The following RCC2 variants were observed in gnomAD, a reference collection of about 807,000 sequenced individuals.
RCC2 encodes regulator of chromosome condensation 2.
A neutral mutation model predicts 64.1 loss-of-function variants in RCC2; 19 were observed. That is an observed-to-expected ratio of 0.30 (90% CI 0.21 to 0.44). The LOEUF (loss-of-function observed/expected upper bound fraction) is 0.44. Among genes scored for constraint, RCC2 ranks in the 20% least tolerant of loss-of-function variants. RCC2 has a pLI of 1.00. For missense variants in RCC2, 508 were observed against 710.4 expected, an observed-to-expected ratio of 0.72 and a Z score of 3.24; for synonymous variants, 325 against 279.6, an observed-to-expected ratio of 1.16 and a Z score of -1.62.
intron 7 of RCC2, among the ~76,000 whole-genome samples, chr1:17,418,075 C>A (rs2075508375): frequency 6.6e-6 from 1 of 152,096 alleles, no homozygotes. Context: ...ATCTTGGTAT[C>A]CACAGGGGGT....
chr1:17,424,967 C>T (rs568098874), intron 4 of RCC2, among the ~76,000 whole-genome samples: 1 of 152,126 alleles, frequency 6.6e-6, no homozygotes. Context: ...GAAAGCCGAA[C>T]AACTCCAAAA....
At chr1:17,416,018 G>A (rs866273166) in intron 8 of RCC2, among the ~76,000 whole-genome samples, 3 of 134,460 alleles carry the variant, frequency 2.2e-5, no homozygotes, top group Non-Finnish European at 4.6e-5. Flanking sequence ...GTGGTGAGCC[G>A]AGATCACGCC....
rs2075367752 is a variant in RCC2, at chr1:17,407,008, C to T, written c.*2082G>A. On this transcript the variant is annotated 3_prime_UTR_variant, in exon 13 of 13. Transcript: ENST00000375436. ...AACTGTGTACCTTTCTCTAGGAGTG[C>T]ACGACACCCTTCCCCCACAACTCCT... The T allele has an allele frequency of 6.6e-6, 1 of 152,168 alleles. No homozygotes were observed. Among genetic ancestry groups the T allele is most frequent in the Admixed American group, 6.5e-5 (1 of 15,280 alleles). 9.4% of individuals were successfully genotyped at this position (152,168 alleles called of 1,614,324 possible).
intron 7 of RCC2, among the ~76,000 whole-genome samples, chr1:17,417,754 C>T (rs900397550): frequency 6.6e-6 from 1 of 151,998 alleles, no homozygotes; most frequent in Non-Finnish European, 1.5e-5. Flanking sequence ...GCTAATCCCC[C>T]TCCATACGGC....
At chr1:17,438,142 G>C (rs2075760367) in intron 2 of RCC2, 88 bp downstream of exon 2, 1 of 984,006 alleles carries the variant, frequency 1.0e-6, no homozygotes. Context: ...ACGCGAGGCG[G>C]CCCCCGGCTG....
chr1:17,409,064 TGGAGTCGGA>T lies in RCC2; in HGVS notation c.*17_*25del. ...GAAATGACAGCTGCCGCGAGAGGTG[TGGAGTCGGA>T]GGAGTCTCCGGGAGCATCAGAGGGT... On this transcript the variant is annotated 3_prime_UTR_variant, in exon 13 of 13. Coordinates refer to ENST00000375436, the MANE Select transcript of RCC2 (RefSeq NM_018715.4). 1 of 1,478,368 alleles carries T rather than the reference TGGAGTCGGA, an allele frequency of 6.8e-7. No homozygotes were observed. The highest frequency in any genetic ancestry group is 9.5e-7 in the Non-Finnish European group (1 of 1,056,198). 91.6% of individuals were successfully genotyped at this position (1,478,368 alleles called of 1,614,324 possible).
chr1:17,438,028 G>A (rs1299771245), intron 2 of RCC2, among the ~76,000 whole-genome samples: 2 of 146,300 alleles, frequency 1.4e-5, no homozygotes, highest in Non-Finnish European at 3.0e-5. Flanking sequence ...GGGTCGGGTA[G>A]GCCGCGGGCC....
chr1:17,435,858 C>T (rs2075730163), intron 2 of RCC2, among the ~76,000 whole-genome samples: 1 of 147,492 alleles, frequency 6.8e-6, no homozygotes, highest in African/African-American at 2.5e-5. Context: ...GCGGAGATTG[C>T]AGTGAGCTGA....
intron 7 of RCC2, among the ~76,000 whole-genome samples, chr1:17,419,854 C>CGCGAAATGTGA (rs1553157102): frequency 6.6e-6 from 1 of 152,240 alleles, no homozygotes; most frequent in Admixed American, 6.5e-5. Context: ...CGGCAACCAA[C>CGCGAAATGTGA]GCGAAATGTG....
At chr1:17,430,526 G>A (rs555432780) in intron 2 of RCC2, among the ~76,000 whole-genome samples, 7 of 151,116 alleles carry the variant, frequency 4.6e-5, no homozygotes, top group East Asian at 3.9e-4. Flanking sequence ...AGTGGCTCAC[G>A]CCTGTAATCC....
chr1:17,437,893 G>T (rs1294549952), intron 2 of RCC2, among the ~76,000 whole-genome samples: 1 of 145,706 alleles, frequency 6.9e-6, no homozygotes, highest in Non-Finnish European at 1.5e-5. Context: ...CCGGGGCGGG[G>T]GGGGAGGGGC....
At chr1:17,422,662 C>T (rs772638401) in intron 5 of RCC2, 43 bp downstream of exon 5, 14 of 1,608,532 alleles carry the variant, frequency 8.7e-6, no homozygotes, top group Non-Finnish European at 1.2e-5. Flanking sequence ...ACCACCTGGC[C>T]TCTTGCCAAA....
chr1:17,416,324 G>T (rs1027507840), intron 8 of RCC2, among the ~76,000 whole-genome samples, 156 bp downstream of exon 8: 1 of 152,152 alleles, frequency 6.6e-6, no homozygotes, highest in Non-Finnish European at 1.5e-5. Context: ...CTGGGACCAA[G>T]GACCCTTTGG....
intron 11 of RCC2, 63 bp from the exon 12 acceptor site, chr1:17,410,114 A>G: frequency 6.9e-7 from 1 of 1,450,726 alleles, no homozygotes; most frequent in Admixed American, 1.7e-5. Context: ...CAAGTGGGGA[A>G]TCACGGCAAC....
intron 2 of RCC2, among the ~76,000 whole-genome samples, chr1:17,436,980 G>A (rs2075741653): frequency 6.6e-6 from 1 of 152,172 alleles, no homozygotes; most frequent in Non-Finnish European, 1.5e-5. Context: ...CTTTTGACGG[G>A]CTCTCCTCCA....
chr1:17,422,160 A>T, intron 6 of RCC2, 43 bp downstream of exon 6: 1 of 1,407,662 alleles, frequency 7.1e-7, no homozygotes, highest in Non-Finnish European at 9.8e-7. Flanking sequence ...ACAAAAGTAA[A>T]GAGAAACAAA....
intron 2 of RCC2, among the ~76,000 whole-genome samples, chr1:17,433,454 G>A (rs898890571): frequency 6.6e-6 from 1 of 152,224 alleles, no homozygotes; most frequent in Non-Finnish European, 1.5e-5. Flanking sequence ...GTGGGTGTGT[G>A]GGTGTCTGAA....
intron 9 of RCC2, 49 bp from the exon 10 acceptor site, chr1:17,413,227 G>A: frequency 1.5e-6 from 2 of 1,296,124 alleles, no homozygotes; most frequent in African/African-American, 1.5e-5. Flanking sequence ...ATCGAGAGCT[G>A]AGTCTCATCT....
At position 17,420,655 on chromosome 1, in the gene RCC2, C is replaced by A. The variant is rs935160833; in HGVS notation, c.859+59G>T. Reference sequence around the variant, plus strand: ...CACGTGTGTGCAGCCCCACACTGATCTCTAGTTCTGAATATATACAGTTAG... The same window carrying A: ...CACGTGTGTGCAGCCCCACACTGATATCTAGTTCTGAATATATACAGTTAG... On this transcript the variant is annotated intron_variant, in intron 7 of 12. Coordinates refer to ENST00000375436, the MANE Select transcript of RCC2 (RefSeq NM_018715.4). 4.5e-5 allele frequency: 49 copies of A among 1,100,820 alleles called. 1 individual carries two copies. In the African/African-American group the frequency reaches 6.6e-4, roughly 15 times the overall value. 68.2% of individuals were successfully genotyped at this position (1,100,820 alleles called of 1,614,324 possible). A position where few individuals can be genotyped will look rare whatever the true frequency, so the allele number is the denominator to read the frequency against.
Sources: gnomAD v4.1 joint callset for allele counts (sites outside exome capture counted in the v4.1 genomes callset) on GRCh38, gnomAD v4.1.1 for gene constraint, MANE v1.5 for transcripts, NCBI Gene and HGNC (gene_info 2026-07-23, HGNC 2026-07-21) for gene names.